Variants in RPS6KA3 observed in about 807,000 individuals in gnomAD.
RPS6KA3 encodes ribosomal protein S6 kinase alpha-3.
A neutral mutation model predicts 67.2 loss-of-function variants in RPS6KA3; 4 were observed. That is an observed-to-expected ratio of 0.06 (90% CI 0.03 to 0.14). The LOEUF (loss-of-function observed/expected upper bound fraction) is 0.14. RPS6KA3 is among the 10% of genes least tolerant of loss of function. RPS6KA3 has a pLI of 1.00. For missense variants in RPS6KA3, 204 were observed against 559.0 expected, an observed-to-expected ratio of 0.36 and a Z score of 6.40; for synonymous variants, 182 against 183.7, an observed-to-expected ratio of 0.99 and a Z score of 0.07.
intron 1 of RPS6KA3, among the ~76,000 whole-genome samples, chrX:20,259,114 A>G (rs898727158): frequency 1.8e-5 from 2 of 111,939 alleles, no homozygotes; most frequent in African/African-American, 6.5e-5. Context: ...CATGATGAGC[A>G]GAGACCAGAA....
intron 2 of RPS6KA3, among the ~76,000 whole-genome samples, chrX:20,225,770 G>C (rs1194697560): frequency 8.9e-6 from 1 of 111,855 alleles, no homozygotes; most frequent in Admixed American, 9.5e-5. Context: ...ATGCTCAAAT[G>C]CAAGTTTTAA....
intron 2 of RPS6KA3, chrX:20,218,816 C>A: frequency 5.0e-6 from 6 of 1,194,205 alleles, no homozygotes; most frequent in Non-Finnish European, 5.7e-6. Context: ...AGAGCGAACA[C>A]GAAAAGACAA....
rs991805052 is a variant in RPS6KA3, at chrX:20,155,237, C to T, written c.*161G>A. 8.5e-6 allele frequency: 5 copies of T among 585,048 alleles called. No individual in the cohort carries two copies. The highest frequency in any genetic ancestry group is 1.4e-5 in the Non-Finnish European group (5 of 345,631). 48.2% of individuals were successfully genotyped at this position (585,048 alleles called of 1,213,427 possible). A position where few individuals can be genotyped will look rare whatever the true frequency, so the allele number is the denominator to read the frequency against. ...CTAACTTGCTAACAATCATTTAAAGCGAGAAGAGAGGAAAGCAGGAGCAGC... is the reference window on the plus strand; with the variant it reads ...CTAACTTGCTAACAATCATTTAAAGTGAGAAGAGAGGAAAGCAGGAGCAGC... On this transcript the variant is annotated 3_prime_UTR_variant, in exon 22 of 22. Transcript: ENST00000379565.
chrX:20,224,783 G>A (rs2069069671), intron 2 of RPS6KA3, among the ~76,000 whole-genome samples: 1 of 111,298 alleles, frequency 9.0e-6, no homozygotes. Context: ...CTGTCTAAAT[G>A]GAAAGCATGC....
chrX:20,175,226 C>G lies in RPS6KA3; in HGVS notation c.1165G>C (p.Ala389Pro), dbSNP rs1273664992. The stretch of plus-strand genomic sequence containing the variant: ...TGGCTTTCATCATCTGAGGTAATAG[C>G]AACAAAACTAAACCCCCGAAAAAGC... ...HQLFRGFSFV[A>P]ITSDDESQAM... is the part of the protein sequence containing the mutation. Residue 389 changes from alanine to proline, a missense_variant, in exon 14 of 22, where the codon GCT becomes CCT. By Grantham distance (27) the Ala-to-Pro change is conservative. This residue lies in a region of RPS6KA3 where 24 missense variants were observed against 25.1 expected (regional missense o/e 0.96). Transcript: ENST00000379565. 8.3e-7 allele frequency: 1 copy of G among 1,206,669 alleles called. No individual in the cohort carries two copies. Among genetic ancestry groups the G allele is most frequent in the Admixed American group, 2.2e-5 (1 of 46,021 alleles).
At chrX:20,242,140 C>T (rs1172167300) in intron 1 of RPS6KA3, among the ~76,000 whole-genome samples, 2 of 111,285 alleles carry the variant, frequency 1.8e-5, no homozygotes, top group Non-Finnish European at 3.8e-5. Flanking sequence ...AAAGAAAAAA[C>T]ACTTCAGAAA....
intron 2 of RPS6KA3, among the ~76,000 whole-genome samples, chrX:20,228,582 G>A (rs1361367889): frequency 9.0e-6 from 1 of 111,037 alleles, no homozygotes. Flanking sequence ...GTCTCCAGAG[G>A]AGAGAGGATC....
chrX:20,219,643 C>G (rs1440505335), intron 2 of RPS6KA3, among the ~76,000 whole-genome samples: 2 of 111,401 alleles, frequency 1.8e-5, no homozygotes, highest in African/African-American at 6.5e-5. Flanking sequence ...AAATGAAACA[C>G]TTAAGAAGCC....
At chrX:20,231,675 C>T (rs938264890) in intron 2 of RPS6KA3, among the ~76,000 whole-genome samples, 12 of 111,879 alleles carry the variant, frequency 1.1e-4, no homozygotes, top group African/African-American at 3.9e-4. Flanking sequence ...TTATTTGAAA[C>T]CAGTGTCTTT....
chrX:20,190,370 T>A (rs2068092373), intron 7 of RPS6KA3, among the ~76,000 whole-genome samples: 1 of 112,221 alleles, frequency 8.9e-6, no homozygotes, highest in Non-Finnish European at 1.9e-5. Flanking sequence ...TATTTACTTG[T>A]ATAATTCACC....
At chrX:20,236,297 C>T (rs757048562) in intron 1 of RPS6KA3, among the ~76,000 whole-genome samples, 34 of 111,587 alleles carry the variant, frequency 3.0e-4, no homozygotes, top group East Asian at 2.8e-4. Context: ...ACCACAAAAA[C>T]GGAAGTCAGG....
chrX:20,238,853 T>A (rs961111027), intron 1 of RPS6KA3, among the ~76,000 whole-genome samples: 3 of 111,387 alleles, frequency 2.7e-5, no homozygotes, highest in African/African-American at 9.8e-5. Context: ...AGGATTCAAA[T>A]GTTATCTATT....
At chrX:20,157,354 T>A (rs199911772) in intron 20 of RPS6KA3, among the ~76,000 whole-genome samples, 6 of 84,448 alleles carry the variant, frequency 7.1e-5, no homozygotes, top group Non-Finnish European at 1.4e-4. Context: ...TTTTTTTTTT[T>A]AAAGCTGAGT....
At chrX:20,182,986 A>T (rs1039144416) in intron 10 of RPS6KA3, among the ~76,000 whole-genome samples, 9 of 110,898 alleles carry the variant, frequency 8.1e-5, no homozygotes, top group Non-Finnish European at 1.7e-4. Flanking sequence ...GTATGCAGTG[A>T]TATTTCCTTG....
At position 20,186,324 on chromosome X, in the gene RPS6KA3, G is replaced by T. The variant is rs2067980233; in HGVS notation, c.817C>A (p.Arg273=). The T allele has an allele frequency of 8.4e-7, 1 of 1,183,716 alleles. No individual in the cohort carries two copies. The highest frequency in any genetic ancestry group is 1.8e-5 in the African/African-American group (1 of 56,544). Residue 273 remains arginine (R), a synonymous_variant, in exon 10 of 22, where the codon CGA becomes AGA. Transcript: ENST00000379565. ...AGAATCATAGTCATTGTTTCTTTTC[G>T]ATCTTTTCCTTGGAAAGGGAGTGTA... ...TGTLPFQGKD[R]KETMTMILKA...
intron 2 of RPS6KA3, among the ~76,000 whole-genome samples, chrX:20,216,586 G>C (rs1364535005): frequency 3.6e-5 from 4 of 110,495 alleles, no homozygotes; most frequent in Middle Eastern, 4.6e-3. Flanking sequence ...TATGGAAAGG[G>C]GGGGGTTGTA....
intron 2 of RPS6KA3, among the ~76,000 whole-genome samples, chrX:20,217,118 A>G (rs2068876004): frequency 1.8e-5 from 2 of 112,081 alleles, no homozygotes; most frequent in East Asian, 5.6e-4. Context: ...AAAAATGAAG[A>G]GAAAATTTAT....
At chrX:20,216,829 T>C (rs1179319193) in intron 2 of RPS6KA3, among the ~76,000 whole-genome samples, 1 of 111,438 alleles carries the variant, frequency 9.0e-6, no homozygotes, top group African/African-American at 3.3e-5. Flanking sequence ...GCGGCTCTCC[T>C]GCTTTTGCTT....
chrX:20,264,597 T>C (rs1231778526), intron 1 of RPS6KA3, among the ~76,000 whole-genome samples: 1 of 112,223 alleles, frequency 8.9e-6, no homozygotes, highest in African/African-American at 3.2e-5. Context: ...ACAGGAAGGA[T>C]AAAATGAAAT....
Sources: gnomAD v4.1 joint callset for allele counts (sites outside exome capture counted in the v4.1 genomes callset) on GRCh38, gnomAD v4.1.1 for gene constraint, gnomAD v4.1.1 regional missense constraint, MANE v1.5 for transcripts, NCBI Gene and HGNC (gene_info 2026-07-23, HGNC 2026-07-21) for gene names.